Variants in ITGA9 observed in about 807,000 individuals in gnomAD.
ITGA9 encodes integrin alpha-9.
ITGA9 carries 56 observed loss-of-function variants against 127.8 expected under a neutral mutation model. The observed-to-expected ratio is 0.44, with a 90% CI of 0.35 to 0.55. The LOEUF is 0.55. Among genes scored for constraint, ITGA9 ranks in the 20% least tolerant of loss-of-function variants. The pLI is 0.00. For missense variants in ITGA9, 1,196 were observed against 1,347.1 expected (o/e 0.89, Z 1.76); for synonymous variants, 508 against 514.5 (o/e 0.99, Z 0.17).
rs751242731 is a variant in ITGA9 at position 37,629,633 on chromosome 3, T to C, written c.1839+297T>C. 1.7e-6 allele frequency: 1 copy of C among 597,738 alleles called. No individual in the cohort carries two copies. Among genetic ancestry groups the C allele is most frequent in the Admixed American group, 2.9e-5 (1 of 33,986 alleles). The allele number at this position is 597,738 out of a possible 1,614,324, so 37.0% of individuals were successfully genotyped here. ...CACTTGGTCCCTGAACTTGCCTCTG[T>C]TCCTAGACTGTTTTCAGAGCTTAGA... On this transcript the variant is annotated intron_variant, in intron 16 of 27. Transcript: ENST00000264741. The surrounding 1 kb of genome is among the most constrained non-coding windows in gnomAD (Gnocchi z 4.5).
intron 17 of ITGA9, among the ~76,000 whole-genome samples, chr3:37,665,080 C>G (rs138825894): frequency 8.1e-4 from 121 of 149,996 alleles, no homozygotes; most frequent in Non-Finnish European, 1.4e-3. Context: ...TCAAGCGATT[C>G]TCCTGCCTCA....
chr3:37,767,767 A>G (rs558412018), intron 23 of ITGA9, among the ~76,000 whole-genome samples: 6 of 152,296 alleles, frequency 3.9e-5, no homozygotes, highest in African/African-American at 1.2e-4. Context: ...CAGAAAATCC[A>G]AATTTGGTGC....
chr3:37,645,908 T>C (rs1055377032), intron 16 of ITGA9, among the ~76,000 whole-genome samples: 1 of 152,150 alleles, frequency 6.6e-6, no homozygotes, highest in Non-Finnish European at 1.5e-5. Flanking sequence ...ACATCCTCTC[T>C]GAAGTCACCC....
At chr3:37,741,440 A>G (rs1429443472) in intron 20 of ITGA9, among the ~76,000 whole-genome samples, 1 of 152,010 alleles carries the variant, frequency 6.6e-6, no homozygotes, top group East Asian at 1.9e-4. Flanking sequence ...GCATGCCTTT[A>G]TTGTCTCCTT....
chr3:37,772,755 G>A (rs1258018156), intron 23 of ITGA9, among the ~76,000 whole-genome samples: 4 of 152,128 alleles, frequency 2.6e-5, no homozygotes, highest in South Asian at 2.1e-4. Flanking sequence ...TCAGAAAAAC[G>A]TTGCTTTCCC....
At chr3:37,468,963 A>G (rs1698399963) in intron 1 of ITGA9, among the ~76,000 whole-genome samples, 1 of 152,220 alleles carries the variant, frequency 6.6e-6, no homozygotes, top group Admixed American at 6.5e-5. Flanking sequence ...CCTTTTCCAA[A>G]TGGCTCGTAG....
chr3:37,747,405 T>C (rs1696514355), intron 22 of ITGA9, among the ~76,000 whole-genome samples: 1 of 152,238 alleles, frequency 6.6e-6, no homozygotes, highest in Admixed American at 6.5e-5. Flanking sequence ...AATCCAATTA[T>C]ACTCTTTTAG....
At chr3:37,775,665 A>G (rs902343203) in intron 23 of ITGA9, among the ~76,000 whole-genome samples, 1 of 151,952 alleles carries the variant, frequency 6.6e-6, no homozygotes, top group Non-Finnish European at 1.5e-5. Flanking sequence ...AAAAAAGCAA[A>G]AGTCAAAAAT....
chr3:37,644,998 G>T (rs924160790), intron 16 of ITGA9, among the ~76,000 whole-genome samples: 9 of 152,162 alleles, frequency 5.9e-5, no homozygotes, highest in Admixed American at 1.3e-4. Context: ...CACATGAAGG[G>T]CAGTTTTGGA....
At chr3:37,523,454 C>T (rs1435764685) in intron 11 of ITGA9, 67 bp from the exon 12 acceptor site, 1 of 1,180,790 alleles carries the variant, frequency 8.5e-7, no homozygotes, top group Non-Finnish European at 1.3e-6. Context: ...TGGAATAAAG[C>T]AGTCACAGTT....
chr3:37,505,977 T>G, intron 6 of ITGA9, 23 bp from the exon 7 acceptor site: 1 of 1,554,926 alleles, frequency 6.4e-7, no homozygotes, highest in Non-Finnish European at 8.8e-7. Context: ...ACCGTGTGCT[T>G]GGTTTCCGCC....
rs1700496847 is a variant in ITGA9 at position 37,658,212 on chromosome 3, G to A, written c.1916+4422G>A. Among the ~76,000 whole-genome samples, 5 of 152,232 alleles carry A rather than the reference G, an allele frequency of 3.3e-5. No homozygotes were observed. In the South Asian group the frequency reaches 1.0e-3, roughly 32 times the overall value. The stretch of plus-strand genomic sequence containing the variant: ...TGTAGATGTCTATTAGGTCTGCTTG[G>A]TCCAGAACTGAGTTCAAGTTCTGAA... On this transcript the variant is annotated intron_variant, in intron 17 of 27. Transcript: ENST00000264741.
intron 4 of ITGA9, among the ~76,000 whole-genome samples, chr3:37,485,113 G>T (rs1437418672): frequency 6.6e-6 from 1 of 152,184 alleles, no homozygotes; most frequent in African/African-American, 2.4e-5. Context: ...TTTTAAAAGT[G>T]GGAGGGCCGT....
chr3:37,506,608 TA>T (rs1224839872), intron 7 of ITGA9, among the ~76,000 whole-genome samples: 3 of 152,230 alleles, frequency 2.0e-5, no homozygotes, highest in African/African-American at 7.2e-5. Flanking sequence ...TGGCTTTCCC[TA>T]AACTATAGTA....
chr3:37,692,336 T>A (rs1700839911), intron 18 of ITGA9, among the ~76,000 whole-genome samples: 1 of 152,084 alleles, frequency 6.6e-6, no homozygotes, highest in Non-Finnish European at 1.5e-5. Context: ...AGAATGTATG[T>A]CAGGGGGTGA....
chr3:37,621,646 G>C (rs1171732739), intron 15 of ITGA9, among the ~76,000 whole-genome samples: 1 of 152,060 alleles, frequency 6.6e-6, no homozygotes, highest in Non-Finnish European at 1.5e-5. Flanking sequence ...CCTTTGAAGA[G>C]AAAAAAGCAT....
chr3:37,752,098 C>T (rs569543223), intron 23 of ITGA9, among the ~76,000 whole-genome samples: 1 of 152,196 alleles, frequency 6.6e-6, no homozygotes, highest in African/African-American at 2.4e-5. Context: ...ATACTTGTTT[C>T]AGAGGCCCAC....
chr3:37,675,305 T>G (rs746188673), intron 17 of ITGA9, among the ~76,000 whole-genome samples: 4 of 152,150 alleles, frequency 2.6e-5, no homozygotes, highest in African/African-American at 4.8e-5. Flanking sequence ...TTCCCAGAGC[T>G]CCCCAGCAAG....
At chr3:37,538,321 C>T (rs1187826006) in intron 14 of ITGA9, among the ~76,000 whole-genome samples, 1 of 152,186 alleles carries the variant, frequency 6.6e-6, no homozygotes, top group Admixed American at 6.5e-5. Context: ...CCCTCCTGGC[C>T]CAGGCCCGTG....
Sources: allele counts gnomAD v4.1 joint callset (sites outside exome capture counted in the v4.1 genomes callset), GRCh38; gene constraint gnomAD v4.1.1; non-coding constraint Gnocchi (gnomAD v3.1); transcripts MANE v1.5; gene names NCBI Gene and HGNC (gene_info 2026-07-23, HGNC 2026-07-21).